SH2D1B: variants seen among roughly 807,000 people sequenced by gnomAD.
SH2D1B encodes the protein SH2 domain-containing protein 1B.
In SH2D1B, 11 loss-of-function variants were observed where a neutral mutation model predicts 16.3. That is an observed-to-expected ratio of 0.67 (90% CI 0.42 to 1.11). The LOEUF (loss-of-function observed/expected upper bound fraction) is 1.11. Ranked by LOEUF, SH2D1B falls within the 50% of genes most tolerant of loss-of-function variation. SH2D1B has a pLI of 0.00. For missense variants in SH2D1B, 123 were observed against 153.1 expected, an observed-to-expected ratio of 0.80 and a Z score of 1.04; for synonymous variants, 55 against 56.1, an observed-to-expected ratio of 0.98 and a Z score of 0.09.
chr1:162,403,514 ATATATATATATAT>A (rs1648580995), intron 1 of SH2D1B, among the ~76,000 whole-genome samples: 17 of 22,778 alleles, frequency 7.5e-4, no homozygotes, highest in Non-Finnish European at 1.1e-3. Context: ...AAAAAAAAAT[ATATATATATATAT>A]ATATATATAT....
intron 2 of SH2D1B, among the ~76,000 whole-genome samples, chr1:162,401,714 A>G (rs1648521502): frequency 6.6e-6 from 1 of 152,174 alleles, no homozygotes; most frequent in African/African-American, 2.4e-5. Flanking sequence ...CTGCCTCAAT[A>G]ATGTCCTCTA....
At chr1:162,398,869 A>T in intron 3 of SH2D1B, 54 bp downstream of exon 3, 1 of 1,554,444 alleles carries the variant, frequency 6.4e-7, no homozygotes, top group African/African-American at 1.4e-5. Flanking sequence ...AAAGTAAGGC[A>T]TTGGTGGAAA....
chr1:162,406,165 A>T (rs902564997), intron 1 of SH2D1B, among the ~76,000 whole-genome samples: 8 of 152,206 alleles, frequency 5.3e-5, no homozygotes, highest in African/African-American at 1.9e-4. Flanking sequence ...CTTTTGTGGT[A>T]CTAATTTTTC....
At chr1:162,398,895 T>G (rs2101857362) in intron 3 of SH2D1B, 28 bp downstream of exon 3, 1 of 1,599,914 alleles carries the variant, frequency 6.3e-7, no homozygotes, top group Middle Eastern at 1.7e-4. Flanking sequence ...TTAAGATTGC[T>G]TTCTGACCCC....
intron 1 of SH2D1B, among the ~76,000 whole-genome samples, chr1:162,409,861 C>T (rs1648752016): frequency 6.6e-6 from 1 of 152,158 alleles, no homozygotes; most frequent in African/African-American, 2.4e-5. Context: ...AGGCATGAGC[C>T]ACCGCGCCTG....
At position 162,398,911 on chromosome 1, in the gene SH2D1B, G is replaced by A; in HGVS notation, c.363+12C>T. On this transcript the variant is annotated intron_variant, in intron 3 of 3. Transcript: ENST00000367929. The stretch of plus-strand genomic sequence containing the variant: ...TAAGATTGCTTTCTGACCCCCACGT[G>A]AGAGATTTTACCACAAATGTTTCCA... 6.2e-7 allele frequency: 1 copy of A among 1,606,718 alleles called. No individual in the cohort carries two copies. Among genetic ancestry groups the A allele is most frequent in the Non-Finnish European group, 8.5e-7 (1 of 1,174,604 alleles).
intron 1 of SH2D1B, among the ~76,000 whole-genome samples, chr1:162,411,589 T>G (rs1203076776): frequency 7.2e-5 from 11 of 152,308 alleles, no homozygotes; most frequent in African/African-American, 2.6e-4. Context: ...ATTTGTACCT[T>G]CTTTCCATCC....
chr1:162,407,646 C>T (rs964398461), intron 1 of SH2D1B, among the ~76,000 whole-genome samples: 3 of 152,218 alleles, frequency 2.0e-5, no homozygotes, highest in Non-Finnish European at 4.4e-5. Flanking sequence ...AGCAGGCTAA[C>T]ACTTGTATCA....
Position 162,397,283 on chromosome 1 carries a change from A to C in SH2D1B, c.396T>G (p.Pro132=), listed in dbSNP as rs749969932. 1.9e-6 allele frequency: 3 copies of C among 1,613,782 alleles called. No individual in the cohort carries two copies. The highest frequency in any genetic ancestry group is 2.5e-6 in the Non-Finnish European group (3 of 1,179,886). ...GCTTTGTCCGGCAGCCTTATCTTCA[A>C]GGCAAGACATCCACATAATCGCTGT... ...NSNSDYVDVL[P] Residue 132 remains proline (P), a synonymous_variant, in exon 4 of 4, where the codon CCT becomes CCG. Transcript: ENST00000367929.
chr1:162,410,750 G>A (rs531450096), intron 1 of SH2D1B, among the ~76,000 whole-genome samples: 35 of 149,980 alleles, frequency 2.3e-4, no homozygotes, highest in African/African-American at 6.4e-4. Flanking sequence ...TCCACCACCC[G>A]GGTTCAAGTG....
At chr1:162,402,988 A>G (rs1648558641) in intron 1 of SH2D1B, among the ~76,000 whole-genome samples, 186 bp from the exon 2 acceptor site, 1 of 151,606 alleles carries the variant, frequency 6.6e-6, no homozygotes, top group Non-Finnish European at 1.5e-5. Flanking sequence ...AGCTCACTGC[A>G]ACCTCCGCCT....
chr1:162,401,106 T>A (rs773574382), intron 2 of SH2D1B, among the ~76,000 whole-genome samples: 12 of 152,200 alleles, frequency 7.9e-5, no homozygotes, highest in Non-Finnish European at 1.6e-4. Flanking sequence ...GTATTAGAGG[T>A]ACAGGCTGAC....
intron 1 of SH2D1B, among the ~76,000 whole-genome samples, chr1:162,411,159 T>C (rs1344889290): frequency 6.6e-6 from 1 of 152,090 alleles, no homozygotes; most frequent in Admixed American, 6.6e-5. Context: ...TTTTGCCGTG[T>C]TGGCCAGGCT....
At chr1:162,403,511 AATAT>A (rs201259868) in intron 1 of SH2D1B, among the ~76,000 whole-genome samples, 1,494 of 41,154 alleles carry the variant, frequency 0.036, 34 homozygotes, top group South Asian at 0.061. Context: ...AAAAAAAAAA[AATAT>A]ATATATATAT....
intron 1 of SH2D1B, among the ~76,000 whole-genome samples, chr1:162,406,541 G>C (rs1203882693): frequency 6.6e-6 from 1 of 152,162 alleles, no homozygotes; most frequent in East Asian, 1.9e-4. Flanking sequence ...ATTAAAAATG[G>C]TGATTTCAGA....
Position 162,395,599 on chromosome 1 carries a change from T to C in SH2D1B, c.*1681A>G, listed in dbSNP as rs1380672145. On this transcript the variant is annotated 3_prime_UTR_variant, in exon 4 of 4. Coordinates refer to ENST00000367929, the MANE Select transcript of SH2D1B (RefSeq NM_053282.5). ...ATAGGTATTGCAAGGAAAGAGAAAA[T>C]AAAATGTTATTATTTATAGCTGACA... 2 of 152,042 alleles carry C rather than the reference T, an allele frequency of 1.3e-5. No homozygotes were observed. The highest frequency in any genetic ancestry group is 2.9e-5 in the Non-Finnish European group (2 of 67,978). 9.4% of individuals were successfully genotyped at this position (152,042 alleles called of 1,614,324 possible).
intron 3 of SH2D1B, among the ~76,000 whole-genome samples, chr1:162,397,767 TTA>T (rs1648416971): frequency 6.6e-6 from 1 of 152,204 alleles, no homozygotes. Context: ...CTCCTGGGAT[TTA>T]TGATTCTTTT....
In SH2D1B at chr1:162,402,894, C is replaced by T. The variant is rs1314194547; in HGVS notation, c.135-92G>A. ...TTTCATATGCAATACCTTTGTTAAT[C>T]TACAATCCTAAAAAAACTCTTTTTT... On this transcript the variant is annotated intron_variant, in intron 1 of 3. Transcript: ENST00000367929. The T allele has an allele frequency of 3.8e-5, 38 of 999,152 alleles. No homozygotes were observed. In the East Asian group the frequency reaches 8.9e-4, roughly 24 times the overall value. The allele number at this position is 999,152 out of a possible 1,614,324, so 61.9% of individuals were successfully genotyped here.
chr1:162,406,361 T>G (rs1648655036), intron 1 of SH2D1B, among the ~76,000 whole-genome samples: 1 of 152,170 alleles, frequency 6.6e-6, no homozygotes, highest in African/African-American at 2.4e-5. Flanking sequence ...ATATATCAAA[T>G]CAATAAAATA....
Sources: gnomAD v4.1 joint callset for allele counts (sites outside exome capture counted in the v4.1 genomes callset) on GRCh38, gnomAD v4.1.1 for gene constraint, MANE v1.5 for transcripts, NCBI Gene and HGNC (gene_info 2026-07-23, HGNC 2026-07-21) for gene names.